VSTM4: variants seen among roughly 807,000 people sequenced by gnomAD.
VSTM4 encodes V-set and transmembrane domain containing 4.
Under a neutral mutation model 36.4 loss-of-function variants are expected in VSTM4, and 20 were observed. The ratio of observed to expected loss-of-function variants is 0.55; its 90% confidence interval spans 0.39 to 0.80. The LOEUF is 0.80. VSTM4 is among the 30% of genes least tolerant of loss of function. The pLI is 0.00. For synonymous variants in VSTM4, 182 were observed against 173.9 expected (o/e 1.05, Z -0.37); for missense variants, 392 against 404.5 (o/e 0.97, Z 0.26).
intron 4 of VSTM4, among the ~76,000 whole-genome samples, chr10:49,070,454 T>G (rs1031721290): frequency 8.5e-5 from 13 of 152,106 alleles, no homozygotes; most frequent in African/African-American, 3.1e-4. Context: ...CTGACATATT[T>G]CTAGGGGGCA....
chr10:49,068,182 C>A (rs1355976118), intron 4 of VSTM4, among the ~76,000 whole-genome samples: 1 of 152,190 alleles, frequency 6.6e-6, no homozygotes, highest in Non-Finnish European at 1.5e-5. Flanking sequence ...GGGCAGCTGG[C>A]GTCAGGGGTC....
At chr10:49,100,157 T>C (rs1844642637) in intron 2 of VSTM4, among the ~76,000 whole-genome samples, 1 of 152,242 alleles carries the variant, frequency 6.6e-6, no homozygotes, top group African/African-American at 2.4e-5. Context: ...GCCTCAAAGC[T>C]GGCTTTTAAT....
chr10:49,036,674 T>C (rs1447298048), intron 7 of VSTM4, among the ~76,000 whole-genome samples: 2 of 152,262 alleles, frequency 1.3e-5, no homozygotes, highest in Admixed American at 6.5e-5. Context: ...TTTCTGCTAC[T>C]GATAAGAGAC....
chr10:49,064,112 G>A (rs1843929234), intron 5 of VSTM4: 1 of 152,264 alleles, frequency 6.6e-6, no homozygotes, highest in African/African-American at 2.4e-5. Flanking sequence ...TTCCAAACCA[G>A]TTTACCTTCT....
At position 49,019,703 on chromosome 10, in the gene VSTM4, C is replaced by T. The variant is rs141399513; in HGVS notation, c.910G>A (p.Ala304Thr). Residue 304 changes from alanine (A) to threonine (T), a missense_variant, in exon 8 of 8, where the codon GCC (alanine) becomes ACC (threonine). Coordinates refer to ENST00000332853, the MANE Select transcript of VSTM4 (RefSeq NM_001031746.5). ...LIKPHRAAKG[A>T]PTSTVYAQIL... ...TGGGCGTAGACAGTGCTGGTGGGGGCGCCTTTGGCAGCCCGGTGGGGTTTG... is the reference window on the plus strand; with the variant it reads ...TGGGCGTAGACAGTGCTGGTGGGGGTGCCTTTGGCAGCCCGGTGGGGTTTG... The T allele has an allele frequency of 4.4e-4, 709 of 1,613,936 alleles. No homozygotes were observed. Among genetic ancestry groups the T allele is most frequent in the Non-Finnish European group, 5.7e-4 (672 of 1,179,938 alleles).
At chr10:49,047,873 A>C (rs1212579642) in intron 6 of VSTM4, among the ~76,000 whole-genome samples, 1 of 152,238 alleles carries the variant, frequency 6.6e-6, no homozygotes, top group Non-Finnish European at 1.5e-5. Context: ...AAATTTGCTA[A>C]GGTATGAATA....
chr10:49,064,672 T>C (rs1843940097), intron 5 of VSTM4, 31 bp downstream of exon 5: 6 of 1,599,924 alleles, frequency 3.8e-6, no homozygotes, highest in Non-Finnish European at 5.1e-6. Flanking sequence ...GCAAAGAGTT[T>C]CATCTGAAAA....
chr10:49,044,591 G>A (rs1291122594), intron 7 of VSTM4, among the ~76,000 whole-genome samples: 2 of 151,988 alleles, frequency 1.3e-5, no homozygotes, highest in Non-Finnish European at 2.9e-5. Context: ...GAAAAAGGAG[G>A]GAGAGAGGGA....
chr10:49,071,386 T>A (rs1844076375), intron 4 of VSTM4, among the ~76,000 whole-genome samples: 1 of 152,186 alleles, frequency 6.6e-6, no homozygotes, highest in African/African-American at 2.4e-5. Flanking sequence ...CCAGGATGAC[T>A]CAGTGCTGTC....
At chr10:49,046,628 C>T (rs1843615306) in intron 7 of VSTM4, among the ~76,000 whole-genome samples, 1 of 152,158 alleles carries the variant, frequency 6.6e-6, no homozygotes, top group Admixed American at 6.5e-5. Flanking sequence ...AAATCAAAAG[C>T]TATGACATAT....
At chr10:49,039,772 C>T (rs1473002239) in intron 7 of VSTM4, among the ~76,000 whole-genome samples, 1 of 152,224 alleles carries the variant, frequency 6.6e-6, no homozygotes, top group Non-Finnish European at 1.5e-5. Context: ...CCTCCTTCCC[C>T]ATTCAGGTAA....
At chr10:49,101,917 C>T (rs979343441) in intron 2 of VSTM4, among the ~76,000 whole-genome samples, 1 of 152,232 alleles carries the variant, frequency 6.6e-6, no homozygotes, top group South Asian at 2.1e-4. Context: ...CATGTAATAT[C>T]ACCAACAACT....
intron 2 of VSTM4, 55 bp from the exon 3 acceptor site, chr10:49,086,078 C>T (rs1053037984): frequency 3.6e-6 from 4 of 1,124,532 alleles, no homozygotes; most frequent in Admixed American, 4.8e-5. Context: ...ACATGGTACA[C>T]ATGGCACTTA....
chr10:49,048,872 T>A (rs1412391830), intron 5 of VSTM4, among the ~76,000 whole-genome samples: 3 of 152,196 alleles, frequency 2.0e-5, no homozygotes, highest in African/African-American at 7.2e-5. Context: ...GGACCCAGCG[T>A]TAGCTTGTGT....
At chr10:49,111,443 A>G (rs1418593527) in intron 1 of VSTM4, among the ~76,000 whole-genome samples, 1 of 152,116 alleles carries the variant, frequency 6.6e-6, no homozygotes, top group African/African-American at 2.4e-5. Context: ...ATGACAGTCC[A>G]TGCATGCCCA....
chr10:49,047,223 T>C (rs1233183569), intron 6 of VSTM4, among the ~76,000 whole-genome samples, 179 bp from the exon 7 acceptor site: 1 of 152,192 alleles, frequency 6.6e-6, no homozygotes, highest in Non-Finnish European at 1.5e-5. Flanking sequence ...TCCCCTAGTC[T>C]TTGAACGTTT....
chr10:49,103,482 C>T, intron 2 of VSTM4: 1 of 1,089,504 alleles, frequency 9.2e-7, no homozygotes, highest in Non-Finnish European at 1.1e-6. Flanking sequence ...AGTATTTTTC[C>T]ATGTTTTCTA....
intron 1 of VSTM4, among the ~76,000 whole-genome samples, chr10:49,108,559 C>G (rs1844834282): frequency 6.6e-6 from 1 of 152,220 alleles, no homozygotes; most frequent in Admixed American, 6.5e-5. Flanking sequence ...CAACTGTACC[C>G]AGGGCAGATG....
chr10:49,103,858 C>T (rs1302558298), intron 2 of VSTM4: 1 of 1,613,576 alleles, frequency 6.2e-7, no homozygotes, highest in South Asian at 1.1e-5. Flanking sequence ...TGGCTGGAGA[C>T]TCCTGTTGAA....
Sources: allele counts gnomAD v4.1 joint callset (sites outside exome capture counted in the v4.1 genomes callset), GRCh38; gene constraint gnomAD v4.1.1; transcripts MANE v1.5; gene names NCBI Gene and HGNC (gene_info 2026-07-23, HGNC 2026-07-21).